The following RPTOR variants were observed in gnomAD, a reference collection of about 807,000 sequenced individuals.
The protein encoded by RPTOR is regulatory associated protein of MTOR complex 1, also known as regulatory-associated protein of mTOR.
A neutral mutation model predicts 169.9 loss-of-function variants in RPTOR; 21 were observed. The ratio of observed to expected loss-of-function variants is 0.12; its 90% CI spans 0.09 to 0.18. The LOEUF (loss-of-function observed/expected upper bound fraction) is 0.18, where lower values mean the gene tolerates loss of function less well. Ranked by LOEUF, RPTOR falls within the 10% of genes least tolerant of loss-of-function variation. The pLI is 1.00. For synonymous variants in RPTOR, 732 were observed against 753.2 expected, an observed-to-expected ratio of 0.97 and a Z score of 0.46; for missense variants, 1,133 against 1,855.9, an observed-to-expected ratio of 0.61 and a Z score of 7.16.
intron 21 of RPTOR, among the ~76,000 whole-genome samples, chr17:80,914,147 G>A (rs1030704102): frequency 6.6e-5 from 10 of 152,354 alleles, no homozygotes; most frequent in East Asian, 1.9e-4. Flanking sequence ...GTCTGGGAGC[G>A]GCCACTGCCA....
At chr17:80,825,253 C>T (rs1460119105) in intron 9 of RPTOR, among the ~76,000 whole-genome samples, 7 of 151,294 alleles carry the variant, frequency 4.6e-5, no homozygotes, top group South Asian at 2.1e-4. Context: ...GGCCGCGTGG[C>T]GAGGCCAGCG....
intron 17 of RPTOR, among the ~76,000 whole-genome samples, chr17:80,890,590 C>T (rs926069089): frequency 1.1e-4 from 17 of 152,338 alleles, no homozygotes; most frequent in African/African-American, 4.1e-4. Context: ...CAGTGAGAGA[C>T]TTGCAGTTCC....
At chr17:80,770,025 A>C (rs1038348338) in intron 6 of RPTOR, among the ~76,000 whole-genome samples, 1 of 152,216 alleles carries the variant, frequency 6.6e-6, no homozygotes, top group African/African-American at 2.4e-5. Flanking sequence ...TAATTTATAA[A>C]GAACAGAGTT....
At chr17:80,716,868 C>A (rs992117963) in intron 4 of RPTOR, among the ~76,000 whole-genome samples, 1 of 152,114 alleles carries the variant, frequency 6.6e-6, no homozygotes, top group Non-Finnish European at 1.5e-5. Context: ...TGTTGAAGAT[C>A]AGTTGGCTGT....
intron 3 of RPTOR, among the ~76,000 whole-genome samples, chr17:80,688,284 C>T (rs897475329): frequency 6.6e-6 from 1 of 152,206 alleles, no homozygotes; most frequent in Non-Finnish European, 1.5e-5. Flanking sequence ...CCCAAACACA[C>T]ACAATTTTAT....
intron 6 of RPTOR, among the ~76,000 whole-genome samples, chr17:80,772,817 C>G (rs906630761): frequency 9.2e-5 from 14 of 151,958 alleles, no homozygotes; most frequent in African/African-American, 2.9e-4. Context: ...CTCAGTAATT[C>G]CTGTTTTATA....
At chr17:80,774,236 C>T (rs542836242) in intron 6 of RPTOR, 20 of 985,408 alleles carry the variant, frequency 2.0e-5, no homozygotes, top group East Asian at 1.1e-4. Context: ...CGACAGCGCC[C>T]GTGTGATGAT....
rs974750853 is a variant in RPTOR, at chr17:80,645,231, C to T, written c.348+1421C>T. Among the ~76,000 whole-genome samples, 19 of 152,084 alleles carry T rather than the reference C, an allele frequency of 1.2e-4. 1 individual carries two copies. Among genetic ancestry groups the T allele is most frequent in the Admixed American group, 1.2e-3 (19 of 15,274 alleles). ...CTTGCAGGAGTGTGGGGCAGAGTGG[C>T]AGTATTAGAAGACATGGCCGTGTTG... On this transcript the variant is annotated intron_variant, in intron 3 of 33. Coordinates refer to ENST00000306801, the MANE Select transcript of RPTOR (RefSeq NM_020761.3).
intron 1 of RPTOR, among the ~76,000 whole-genome samples, chr17:80,603,991 G>A (rs749570160): frequency 2.0e-5 from 3 of 152,186 alleles, no homozygotes; most frequent in Non-Finnish European, 1.5e-5. Flanking sequence ...CCCCAGCCAC[G>A]GGCCACCCCT....
chr17:80,917,315 T>C (rs766844980), intron 21 of RPTOR, among the ~76,000 whole-genome samples: 1 of 151,972 alleles, frequency 6.6e-6, no homozygotes, highest in Admixed American at 6.6e-5. Flanking sequence ...GTTTCACCAT[T>C]GTTGGCCAGG....
At chr17:80,897,427 A>G (rs11652900) in intron 20 of RPTOR, among the ~76,000 whole-genome samples, 110,656 of 152,094 alleles carry the variant, frequency 0.73, 40,638 homozygotes, top group Admixed American at 0.79. Context: ...GCAAATTCCC[A>G]TTCTATTCTA....
chr17:80,762,594 A>G (rs982103434), intron 6 of RPTOR, among the ~76,000 whole-genome samples: 1 of 152,268 alleles, frequency 6.6e-6, no homozygotes, highest in Non-Finnish European at 1.5e-5. Flanking sequence ...AAAAGTGATA[A>G]AAGACAATTG....
At chr17:80,750,019 T>TA (rs904676547) in intron 5 of RPTOR, among the ~76,000 whole-genome samples, 2 of 151,442 alleles carry the variant, frequency 1.3e-5, no homozygotes, top group Admixed American at 1.3e-4. Flanking sequence ...CCTGGCTAAT[T>TA]AAAAAAAAAT....
chr17:80,721,620 C>T lies in RPTOR; in HGVS notation c.508-8940C>T, dbSNP rs934098018. On this transcript the variant is annotated intron_variant, in intron 4 of 33. Transcript: ENST00000306801. The surrounding 1 kb of genome is among the most constrained non-coding windows in gnomAD (Gnocchi z 4.7). ...GGGCAGCTGGGTGTCTCCAGCCCATCATGCTGGAACATGCTGGAAGCTTCC... is the reference window on the plus strand; with the variant it reads ...GGGCAGCTGGGTGTCTCCAGCCCATTATGCTGGAACATGCTGGAAGCTTCC... Among the ~76,000 whole-genome samples, 3 of 151,280 alleles carry T rather than the reference C, an allele frequency of 2.0e-5. No homozygotes were observed. Among genetic ancestry groups the T allele is most frequent in the African/African-American group, 7.4e-5 (3 of 40,598 alleles).
Position 80,707,322 on chromosome 17 carries a change from T to C in RPTOR, c.349-519T>C, listed in dbSNP as rs1354474172. ...CCATGTGACAGGCATTACTTGTTTA[T>C]CTCATTGTTGTTCCTAGTAGTTCTC... is the stretch of plus-strand genomic sequence containing the variant. On this transcript the variant is annotated intron_variant, in intron 3 of 33. Coordinates refer to ENST00000306801, the MANE Select transcript of RPTOR (RefSeq NM_020761.3). This position sits in a 1 kb window ranked among gnomAD's most constrained non-coding sequence, Gnocchi z 5.0. Among the ~76,000 whole-genome samples, 3 of 152,314 alleles carry C rather than the reference T, an allele frequency of 2.0e-5. 1 individual carries two copies. The East Asian group carries it at 5.8e-4, about 29-fold the overall frequency.
chr17:80,867,859 T>A (rs1043277218), intron 13 of RPTOR, among the ~76,000 whole-genome samples: 3 of 152,064 alleles, frequency 2.0e-5, no homozygotes, highest in African/African-American at 7.2e-5. Context: ...TGAAAAGAAA[T>A]GAAGGAAGAC....
At chr17:80,711,744 C>CTTTTTTTTTTTTTTTTTTTT (rs1226456124) in intron 4 of RPTOR, among the ~76,000 whole-genome samples, 1,888 of 88,684 alleles carry the variant, frequency 0.021, 434 homozygotes, top group African/African-American at 0.046. Context: ...ATACATCAGT[C>CTTTTTTTTTTTTTTTTTTTT]TTTTTTTTTT....
intron 5 of RPTOR, among the ~76,000 whole-genome samples, chr17:80,737,560 A>G (rs956575282): frequency 2.0e-5 from 3 of 152,166 alleles, no homozygotes; most frequent in Non-Finnish European, 4.4e-5. Flanking sequence ...GCACCACTCC[A>G]GGCTTGGGCA....
intron 24 of RPTOR, chr17:80,940,288 G>C: frequency 1.9e-6 from 1 of 516,486 alleles, no homozygotes; most frequent in Non-Finnish European, 3.4e-6. Flanking sequence ...CGTTGACACT[G>C]TGTCGGGTAT....
Sources: allele counts gnomAD v4.1 joint callset (sites outside exome capture counted in the v4.1 genomes callset), GRCh38; gene constraint gnomAD v4.1.1; non-coding constraint Gnocchi (gnomAD v3.1); transcripts MANE v1.5; gene names NCBI Gene and HGNC (gene_info 2026-07-23, HGNC 2026-07-21).